The following CCDC68 variants were observed in gnomAD, a reference collection of about 807,000 sequenced individuals.
CCDC68 encodes coiled-coil domain-containing protein 68.
In CCDC68, 45 loss-of-function variants were observed where a neutral mutation model predicts 47.1. That is an observed-to-expected ratio of 0.96 (90% CI 0.75 to 1.23). The LOEUF is 1.23. Among genes scored for constraint, CCDC68 ranks in the 50% most tolerant of loss-of-function variants. The pLI, the probability that CCDC68 is intolerant of heterozygous loss-of-function variation, is 0.00. For synonymous variants in CCDC68, 131 were observed against 129.5 expected, an observed-to-expected ratio of 1.01 and a Z score of -0.08; for missense variants, 353 against 373.6, an observed-to-expected ratio of 0.94 and a Z score of 0.45.
intron 2 of CCDC68, 22 bp from the exon 3 acceptor site, chr18:54,942,825 C>T: frequency 7.9e-7 from 1 of 1,260,058 alleles, no homozygotes; most frequent in Non-Finnish European, 1.2e-6. Context: ...CATAAATCAG[C>T]TAAGCAAAAC....
chr18:54,958,389 T>G (rs1363637982), intron 1 of CCDC68, among the ~76,000 whole-genome samples: 1 of 152,176 alleles, frequency 6.6e-6, no homozygotes, highest in African/African-American at 2.4e-5. Context: ...AAAACCAGAC[T>G]TCAGTAGCTC....
At chr18:54,915,267 A>C (rs772587598) in intron 10 of CCDC68, among the ~76,000 whole-genome samples, 1 of 152,244 alleles carries the variant, frequency 6.6e-6, no homozygotes, top group Non-Finnish European at 1.5e-5. Flanking sequence ...CTCACTAGGC[A>C]GTAAGTTCCA....
chr18:54,943,033 TAA>T, intron 2 of CCDC68: 1 of 320,778 alleles, frequency 3.1e-6, no homozygotes, highest in Non-Finnish European at 5.7e-6. Flanking sequence ...TCTAAAAAGG[TAA>T]AATCTGAAAT....
chr18:54,928,441 C>G (rs74541597), intron 8 of CCDC68, among the ~76,000 whole-genome samples: 1,554 of 152,220 alleles, frequency 0.01, 35 homozygotes, highest in African/African-American at 0.035. Context: ...CATTAATAAA[C>G]ACAGAAGCAT....
At chr18:54,935,068 A>C in intron 6 of CCDC68, 120 bp from the exon 7 acceptor site, 1 of 706,096 alleles carries the variant, frequency 1.4e-6, no homozygotes, top group South Asian at 3.6e-5. Context: ...ACTTGTTTAG[A>C]ATTACTCTTT....
At chr18:54,933,363 G>A (rs908372969) in intron 7 of CCDC68, among the ~76,000 whole-genome samples, 1 of 152,186 alleles carries the variant, frequency 6.6e-6, no homozygotes, top group Non-Finnish European at 1.5e-5. Flanking sequence ...TTATAGGCAT[G>A]AACCACCATG....
chr18:54,926,471 C>T (rs2044147050), intron 8 of CCDC68, among the ~76,000 whole-genome samples: 1 of 152,226 alleles, frequency 6.6e-6, no homozygotes. Flanking sequence ...TTACCTCCCA[C>T]CAGGTTTCTC....
At chr18:54,942,916 G>C in intron 2 of CCDC68, 113 bp from the exon 3 acceptor site, 1 of 659,250 alleles carries the variant, frequency 1.5e-6, no homozygotes, top group Non-Finnish European at 2.7e-6. Flanking sequence ...TAGCAGAAAA[G>C]CTATAAATCA....
chr18:54,931,833 A>G (rs948767790), intron 7 of CCDC68, among the ~76,000 whole-genome samples: 2 of 152,196 alleles, frequency 1.3e-5, no homozygotes, highest in African/African-American at 4.8e-5. Flanking sequence ...TAATATGTTC[A>G]TTACCAGACC....
At chr18:54,919,444 C>T in intron 8 of CCDC68, 68 bp from the exon 9 acceptor site, 1 of 1,301,548 alleles carries the variant, frequency 7.7e-7, no homozygotes. Flanking sequence ...CTCGTCCTTA[C>T]TGCTAGCCCT....
In CCDC68 at chr18:54,934,849, A is replaced by G. The variant is rs558547369; in HGVS notation, c.571T>C (p.Leu191=). ...LEEKHSQITE[L]ENLVQRMEKE... ...TCCATTCTCTGTACAAGGTTCTCCA[A>G]TTCTGTAATTTGACTGTGTTTTTCT... Residue 191 remains leucine (L), a synonymous_variant, in exon 7 of 12, where the codon TTG becomes CTG. Transcript: ENST00000591504. 4.1e-4 allele frequency: 651 copies of G among 1,594,824 alleles called. 5 individuals are homozygous for G. The South Asian group carries it at 6.3e-3, about 15-fold the overall frequency.
chr18:54,929,512 C>T (rs1473201140), intron 7 of CCDC68, among the ~76,000 whole-genome samples: 2 of 152,144 alleles, frequency 1.3e-5, no homozygotes, highest in South Asian at 2.1e-4. Flanking sequence ...CAGACAAGAC[C>T]ATGAAAAACG....
intron 8 of CCDC68, among the ~76,000 whole-genome samples, chr18:54,919,751 A>G (rs2044021901): frequency 6.6e-6 from 1 of 152,258 alleles, no homozygotes; most frequent in African/African-American, 2.4e-5. Flanking sequence ...GCATGCCAAT[A>G]GCAGAGTCAG....
At chr18:54,912,763 C>T (rs189632235) in intron 10 of CCDC68, among the ~76,000 whole-genome samples, 77 of 152,264 alleles carry the variant, frequency 5.1e-4, no homozygotes, top group African/African-American at 1.6e-3. Context: ...TTCCACATGG[C>T]TGGGGAGGCC....
intron 2 of CCDC68, chr18:54,943,085 A>G (rs1568158784): frequency 4.0e-6 from 1 of 247,486 alleles, no homozygotes; most frequent in Non-Finnish European, 7.7e-6. Flanking sequence ...TGTAAAATCT[A>G]AAATCTCAGA....
chr18:54,948,651 T>G (rs554415067), intron 1 of CCDC68, among the ~76,000 whole-genome samples: 1 of 152,328 alleles, frequency 6.6e-6, no homozygotes, highest in South Asian at 2.1e-4. Context: ...AGCCACTGTG[T>G]TAGGAACTGT....
intron 1 of CCDC68, among the ~76,000 whole-genome samples, chr18:54,953,444 ATTGGATTTGTT>A (rs1311832661): frequency 6.6e-6 from 1 of 152,116 alleles, no homozygotes; most frequent in East Asian, 1.9e-4. Flanking sequence ...GCCAAAATTA[ATTGGATTTGTT>A]TTTCTTCATT....
intron 8 of CCDC68, among the ~76,000 whole-genome samples, chr18:54,921,180 G>T (rs139276143): frequency 1.3e-5 from 2 of 152,054 alleles, no homozygotes; most frequent in African/African-American, 4.8e-5. Flanking sequence ...AACAATAGAC[G>T]CTGCGGACTA....
At chr18:54,942,924 T>C in intron 2 of CCDC68, 121 bp from the exon 3 acceptor site, 1 of 637,550 alleles carries the variant, frequency 1.6e-6, no homozygotes, top group Non-Finnish European at 2.8e-6. Context: ...AAGCTATAAA[T>C]CATTGGTATC....
Sources: gnomAD v4.1 joint callset for allele counts (sites outside exome capture counted in the v4.1 genomes callset) on GRCh38, gnomAD v4.1.1 for gene constraint, MANE v1.5 for transcripts, NCBI Gene and HGNC (gene_info 2026-07-23, HGNC 2026-07-21) for gene names.